EP400: variants seen among roughly 807,000 people sequenced by gnomAD.
EP400 encodes the protein E1A binding protein p400, also known as E1A-binding protein p400.
EP400 carries 105 observed loss-of-function variants against 354.1 expected under a neutral mutation model. The ratio of observed to expected loss-of-function variants is 0.30; its 90% CI spans 0.25 to 0.35. EP400 has a LOEUF of 0.35. Ranked by LOEUF, EP400 falls within the 10% of genes least tolerant of loss-of-function variation. The pLI, the probability that EP400 is intolerant of heterozygous loss-of-function variation, is 1.00. For synonymous variants in EP400, 1,646 were observed against 1,716.9 expected, an observed-to-expected ratio of 0.96 and a Z score of 1.02; for missense variants, 3,280 against 4,121.0, an observed-to-expected ratio of 0.80 and a Z score of 5.59.
At chr12:132,031,372 G>A (rs1276754604) in intron 29 of EP400, 1 of 518,972 alleles carries the variant, frequency 1.9e-6, no homozygotes, top group Non-Finnish European at 3.8e-6. Context: ...ATGCAAGGTG[G>A]ACTCTAACTT....
At chr12:131,972,181 C>T (rs1416163606) in intron 2 of EP400, among the ~76,000 whole-genome samples, 2 of 150,052 alleles carry the variant, frequency 1.3e-5, no homozygotes, top group African/African-American at 4.9e-5. Flanking sequence ...TAAACAGAGT[C>T]TCGCTCTGTC....
At position 132,025,762 on chromosome 12, in the gene EP400, C is replaced by A. The variant is rs781336628; in HGVS notation, c.4972C>A (p.Pro1658Thr). The A allele has an allele frequency of 1.2e-6, 2 of 1,611,338 alleles. No homozygotes were observed. Among genetic ancestry groups the A allele is most frequent in the South Asian group, 1.1e-5 (1 of 90,824 alleles). Residue 1658 changes from proline to threonine, a missense_variant, in exon 25 of 53, where the codon CCC (proline) becomes ACC (threonine). Physicochemically the swap from Pro to Thr is conservative, Grantham distance 38. Coordinates refer to ENST00000389561, the MANE Select transcript of EP400 (RefSeq NM_015409.5). The surrounding 1 kb of genome is among the most constrained non-coding windows in gnomAD (Gnocchi z 4.1). ...TGTGCACGGCGCCCTGGGAAGCAAG[C>A]CCCCGGCCGGCGGTCCCAGCCCTGC... ...GAVHGALGSK[P>T]PAGGPSPAPL...
chr12:132,035,266 G>A (rs139414957), intron 30 of EP400, among the ~76,000 whole-genome samples: 23 of 152,264 alleles, frequency 1.5e-4, no homozygotes, highest in Non-Finnish European at 1.0e-4. Context: ...AAAAGGGGAC[G>A]TCCTCATGTT....
chr12:131,978,345 G>A (rs754878309), intron 2 of EP400, among the ~76,000 whole-genome samples: 3 of 152,090 alleles, frequency 2.0e-5, no homozygotes, highest in African/African-American at 4.8e-5. Flanking sequence ...CATTAGCATA[G>A]TACTGTAGTT....
At chr12:132,056,187 G>A (rs182347369) in intron 45 of EP400, among the ~76,000 whole-genome samples, 2 of 152,194 alleles carry the variant, frequency 1.3e-5, no homozygotes, top group South Asian at 4.1e-4. Flanking sequence ...TTTGTATCTC[G>A]ATTTTCCAAA....
At chr12:132,037,042 A>T (rs1894742770) in intron 30 of EP400, among the ~76,000 whole-genome samples, 1 of 152,156 alleles carries the variant, frequency 6.6e-6, no homozygotes, top group Non-Finnish European at 1.5e-5. Context: ...TTTGAGGTTT[A>T]GCATTTAGCA....
intron 45 of EP400, among the ~76,000 whole-genome samples, chr12:132,059,486 G>A (rs1386975386): frequency 6.6e-6 from 1 of 152,200 alleles, no homozygotes; most frequent in Admixed American, 6.5e-5. Flanking sequence ...CAGTGGGCAT[G>A]TTCCTGGGCA....
At chr12:131,956,515 G>A (rs917280615) in intron 1 of EP400, among the ~76,000 whole-genome samples, 1 of 151,974 alleles carries the variant, frequency 6.6e-6, no homozygotes, top group African/African-American at 2.4e-5. Context: ...AGTTTTTTAG[G>A]TTGGTAGGTT....
intron 2 of EP400, among the ~76,000 whole-genome samples, chr12:131,966,218 A>C (rs915788371): frequency 8.6e-5 from 13 of 151,972 alleles, no homozygotes; most frequent in African/African-American, 1.2e-4. Context: ...ACTGTGGTTC[A>C]CGCCTGAAAT....
In EP400 at chr12:131,987,726, A is replaced by G. The variant is rs201159246; in HGVS notation, c.2245A>G (p.Ile749Val). Residue 749 changes from isoleucine to valine, a missense_variant, in exon 7 of 53, where the codon ATT becomes GTT. Transcript: ENST00000389561. Reference protein sequence around the residue: ...ITLENQVHQRIAELRKAGLWS... With the variant: ...ITLENQVHQRVAELRKAGLWS... Reference sequence around the variant, plus strand: ...ACAGGAGAACCAGGTGCATCAGCGCATTGCGGAGCTGAGGAAAGCAGGTCT... The same window carrying G: ...ACAGGAGAACCAGGTGCATCAGCGCGTTGCGGAGCTGAGGAAAGCAGGTCT... The G allele has an allele frequency of 6.8e-6, 11 of 1,609,456 alleles. No individual in the cohort carries two copies. The highest frequency in any genetic ancestry group is 1.7e-5 in the Admixed American group (1 of 59,688).
At chr12:131,962,976 A>G (rs1891945517) in intron 2 of EP400, among the ~76,000 whole-genome samples, 1 of 152,190 alleles carries the variant, frequency 6.6e-6, no homozygotes, top group Non-Finnish European at 1.5e-5. Context: ...GTTTTCTTTT[A>G]ACACCTTTTC....
chr12:131,985,145 C>T (rs1892812617), intron 5 of EP400, among the ~76,000 whole-genome samples: 1 of 152,162 alleles, frequency 6.6e-6, no homozygotes, highest in Non-Finnish European at 1.5e-5. Flanking sequence ...CGTGAGCCGC[C>T]ACACCCAGCC....
intron 2 of EP400, among the ~76,000 whole-genome samples, chr12:131,966,876 C>G (rs1892111272): frequency 7.2e-6 from 1 of 138,920 alleles, no homozygotes; most frequent in African/African-American, 3.0e-5. Flanking sequence ...TGCACTCCAG[C>G]CTGGGTGACA....
At chr12:132,012,482 G>A (rs1438636337) in intron 16 of EP400, among the ~76,000 whole-genome samples, 2 of 152,180 alleles carry the variant, frequency 1.3e-5, no homozygotes, top group African/African-American at 4.8e-5. Context: ...CTTTCATACT[G>A]CACAAGTTCA....
chr12:132,060,722 C>G (rs1895663896), intron 45 of EP400, among the ~76,000 whole-genome samples: 1 of 152,132 alleles, frequency 6.6e-6, no homozygotes. Context: ...CCAGACCAGC[C>G]TGACCAACAT....
chr12:132,044,371 C>A, intron 35 of EP400, 60 bp downstream of exon 35: 1 of 1,570,302 alleles, frequency 6.4e-7, no homozygotes, highest in South Asian at 1.2e-5. Context: ...CTTGTGCAGC[C>A]ATGTTTGGCT....
intron 48 of EP400, chr12:132,066,229 A>T (rs1463303448): frequency 1.3e-5 from 2 of 153,376 alleles, no homozygotes; most frequent in Non-Finnish European, 2.9e-5. Flanking sequence ...TAATATTCAG[A>T]TATGAGTAGT....
chr12:132,078,883 C>A lies in EP400; in HGVS notation c.*1210C>A, dbSNP rs1896312961. Reference sequence around the variant, plus strand: ...ACTGTTTTTCCTTTTTTTACTATGACAGGAAAATAAATGCAATTTTAGTGG... The same window carrying A: ...ACTGTTTTTCCTTTTTTTACTATGAAAGGAAAATAAATGCAATTTTAGTGG... On this transcript the variant is annotated 3_prime_UTR_variant, in exon 53 of 53. Transcript: ENST00000389561. 1 of 152,158 alleles carries A rather than the reference C, an allele frequency of 6.6e-6. No homozygotes were observed. Among genetic ancestry groups the A allele is most frequent in the Non-Finnish European group, 1.5e-5 (1 of 68,022 alleles). The allele number at this position is 152,158 out of a possible 1,614,324, so 9.4% of individuals were successfully genotyped here.
Position 132,028,260 on chromosome 12 carries a change from G to A in EP400, c.5353G>A (p.Gly1785Arg), listed in dbSNP as rs1193451428. The A allele has an allele frequency of 6.2e-7, 1 of 1,614,138 alleles. No individual in the cohort carries two copies. Among genetic ancestry groups the A allele is most frequent in the East Asian group, 2.2e-5 (1 of 44,884 alleles). ...GCTGATGTTGACGCTTTGTCGGTGT[G>A]GAGAGTCTCTGCAGGATGTTATTGA... ...SELMLTLCRC[G>R]ESLQDVIDRV... Residue 1785 changes from glycine to arginine, a missense_variant, in exon 27 of 53, where the codon GGA becomes AGA. This residue lies in a region of EP400 where 459 missense variants were observed against 496.9 expected (regional missense o/e 0.92). Coordinates refer to ENST00000389561, the MANE Select transcript of EP400 (RefSeq NM_015409.5).
Sources: allele counts gnomAD v4.1 joint callset (sites outside exome capture counted in the v4.1 genomes callset), GRCh38; gene constraint gnomAD v4.1.1; regional missense constraint gnomAD v4.1.1; non-coding constraint Gnocchi (gnomAD v3.1); transcripts MANE v1.5; gene names NCBI Gene and HGNC (gene_info 2026-07-23, HGNC 2026-07-21).